The following LMTK3 variants were observed in gnomAD, a reference collection of about 807,000 sequenced individuals.
LMTK3 encodes lemur tail kinase 3, also known as serine/threonine-protein kinase LMTK3.
In LMTK3, 27 loss-of-function variants were observed where a neutral mutation model predicts 116.7. The ratio of observed to expected loss-of-function variants is 0.23; its 90% confidence interval spans 0.17 to 0.32. LMTK3 has a LOEUF of 0.32. LMTK3 is among the 10% of genes least tolerant of loss of function. LMTK3 has a pLI of 1.00. For synonymous variants in LMTK3, 965 were observed against 971.0 expected (o/e 0.99, Z 0.11); for missense variants, 1,764 against 2,068.5 (o/e 0.85, Z 2.86).
At chr19:48,502,369 T>C in intron 7 of LMTK3, 64 bp downstream of exon 7, 5 of 865,894 alleles carry the variant, frequency 5.8e-6, no homozygotes, top group African/African-American at 1.7e-5. Flanking sequence ...GCCCCTCCCC[T>C]GAGGCCTCAC....
In LMTK3 at chr19:48,497,627, G is replaced by A; in HGVS notation, c.3442C>T (p.Pro1148Ser). The change falls in exon 11 of 15, where the codon CCA becomes TCA. Residue 1148 changes from proline to serine, a missense_variant. Around this residue, in one of 7 missense-constraint regions of LMTK3, gnomAD observed 1,028 missense variants for 1,050.6 expected, o/e 0.98. Coordinates refer to ENST00000600059, the MANE Select transcript of LMTK3 (RefSeq NM_001388485.1). The surrounding 1 kb of genome is among the most constrained non-coding windows in gnomAD (Gnocchi z 5.7). ...GCCTCCGGTGGCGGTGGCAGCGGTG[G>A]CGGCGGTGGCTGCGGCCTCGTGTTG... ...VDNTRPQPPPPPLPPPPEAQP... is the reference protein window; with the variant it reads ...VDNTRPQPPPSPLPPPPEAQP... The A allele has an allele frequency of 7.9e-7, 1 of 1,270,660 alleles. No individual in the cohort carries two copies. The highest frequency in any genetic ancestry group is 1.0e-6 in the Non-Finnish European group (1 of 999,072). 78.7% of individuals were successfully genotyped at this position (1,270,660 alleles called of 1,614,324 possible).
rs1391057889 is a variant in LMTK3, at chr19:48,485,756, G to C, written c.*17C>G. On this transcript the variant is annotated 3_prime_UTR_variant, in exon 15 of 15. Coordinates refer to ENST00000600059, the MANE Select transcript of LMTK3 (RefSeq NM_001388485.1). ...ACCCCTCTTCTGAGGGTGCAGCGGG[G>C]TCGGGTCTTCGGGGAATCAATTCTC... The C allele has an allele frequency of 6.2e-7, 1 of 1,610,178 alleles. No homozygotes were observed. The highest frequency in any genetic ancestry group is 1.1e-5 in the South Asian group (1 of 90,280).
intron 5 of LMTK3, among the ~76,000 whole-genome samples, chr19:48,508,189 A>G (rs1442957038): frequency 6.6e-6 from 1 of 152,128 alleles, no homozygotes; most frequent in South Asian, 2.1e-4. Flanking sequence ...CAGGAGGACC[A>G]GATGTGTCCT....
At chr19:48,485,887 A>ATGGCCCAAAAGATC in intron 14 of LMTK3, 98 bp from the exon 15 acceptor site, 1 of 1,238,362 alleles carries the variant, frequency 8.1e-7, no homozygotes, top group Non-Finnish European at 1.1e-6. Flanking sequence ...CTCACCCACC[A>ATGGCCCAAAAGATC]TGGCCCAAAA....
intron 7 of LMTK3, 126 bp from the exon 8 acceptor site, chr19:48,501,688 T>G: frequency 2.2e-6 from 2 of 911,338 alleles, no homozygotes; most frequent in Non-Finnish European, 3.4e-6. Flanking sequence ...GCCCCTTCCC[T>G]CTGATCTGTC....
chr19:48,485,754 G>C lies in LMTK3; in HGVS notation c.*19C>G. 5 of 1,610,022 alleles carry C rather than the reference G, an allele frequency of 3.1e-6. No individual in the cohort carries two copies. In the South Asian group the frequency reaches 4.4e-5, roughly 14 times the overall value. On this transcript the variant is annotated 3_prime_UTR_variant, in exon 15 of 15. Coordinates refer to ENST00000600059, the MANE Select transcript of LMTK3 (RefSeq NM_001388485.1). The stretch of plus-strand genomic sequence containing the variant: ...CAACCCCTCTTCTGAGGGTGCAGCG[G>C]GGTCGGGTCTTCGGGGAATCAATTC...
rs2147530425 is a variant in LMTK3, at chr19:48,491,095, G to C, written c.4366+13C>G. The C allele has an allele frequency of 7.4e-7, 1 of 1,357,040 alleles. No individual in the cohort carries two copies. Among genetic ancestry groups the C allele is most frequent in the Non-Finnish European group, 9.5e-7 (1 of 1,054,856 alleles). The allele number at this position is 1,357,040 out of a possible 1,614,324, so 84.1% of individuals were successfully genotyped here. A position where few individuals can be genotyped will look rare whatever the true frequency, so the allele number is the denominator to read the frequency against. ...GATGGGCAGAGGAGGGGGCAGGGCC[G>C]AGGATATGGTACCTGCGGGCCGGGC... On this transcript the variant is annotated intron_variant, in intron 14 of 14. Transcript: ENST00000600059. This position sits in a 1 kb window ranked among gnomAD's most constrained non-coding sequence, Gnocchi z 5.1.
chr19:48,485,776 A>G lies in LMTK3; in HGVS notation c.4380T>C (p.Asn1460=), dbSNP rs1972112203. The G allele has an allele frequency of 1.2e-6, 2 of 1,610,774 alleles. No homozygotes were observed. The highest frequency in any genetic ancestry group is 1.7e-6 in the Non-Finnish European group (2 of 1,178,700). The part of the protein sequence containing the change: ...PDARPAGPVE[N] ...GCGGGGTCGGGTCTTCGGGGAATCAATTCTCCACGGGGCCTGAGGATGGAC... is the reference window on the plus strand; with the variant it reads ...GCGGGGTCGGGTCTTCGGGGAATCAGTTCTCCACGGGGCCTGAGGATGGAC... The change falls in exon 15 of 15, where the codon AAT becomes AAC. Residue 1460 remains asparagine (N), a synonymous_variant. Coordinates refer to ENST00000600059, the MANE Select transcript of LMTK3 (RefSeq NM_001388485.1).
chr19:48,506,258 A>G (rs1192711332), intron 5 of LMTK3, among the ~76,000 whole-genome samples: 1 of 136,542 alleles, frequency 7.3e-6, no homozygotes, highest in Non-Finnish European at 1.5e-5. Context: ...GTGAGCCTTG[A>G]AAAAAAAAAA....
Position 48,501,553 on chromosome 19 carries a change from G to A in LMTK3, c.804C>T (p.Ala268=). 2 of 1,608,936 alleles carry A rather than the reference G, an allele frequency of 1.2e-6. No homozygotes were observed. Among genetic ancestry groups the A allele is most frequent in the Non-Finnish European group, 1.7e-6 (2 of 1,178,290 alleles). The part of the protein sequence containing the change: ...HSHNYVHSDL[A]LRNCLLTSDL... ...CAGAGGTCAGCAGGCAGTTGCGCAG[G>A]GCCAGGTCGCTGCGGGAAGAACGCG... The change falls in exon 8 of 15, where the codon GCC becomes GCT. Residue 268 remains alanine (A), a synonymous_variant. Transcript: ENST00000600059.
rs1172273609 is a variant in LMTK3 at position 48,493,983 on chromosome 19, G to C, written c.3803C>G (p.Ala1268Gly). ...AGAAGGEAGG[A>G]GAPGPAEEDG... is the part of the protein sequence containing the mutation. ...CTCCTCCGCCGGCCCCGGCGCTCCCGCCCCGCCGGCCTCCCCGCCAGCCGC... is the reference window on the plus strand; with the variant it reads ...CTCCTCCGCCGGCCCCGGCGCTCCCCCCCCGCCGGCCTCCCCGCCAGCCGC... Residue 1268 changes from alanine to glycine, a missense_variant, in exon 12 of 15, where the codon GCG becomes GGG. Around this residue, in one of 7 missense-constraint regions of LMTK3, gnomAD observed 281 missense variants for 301.4 expected, o/e 0.93. Coordinates refer to ENST00000600059, the MANE Select transcript of LMTK3 (RefSeq NM_001388485.1). 8.5e-6 allele frequency: 9 copies of C among 1,055,906 alleles called. No individual in the cohort carries two copies. Among genetic ancestry groups the C allele is most frequent in the East Asian group, 8.1e-5 (1 of 12,410 alleles). The allele number at this position is 1,055,906 out of a possible 1,614,324, so 65.4% of individuals were successfully genotyped here.
In LMTK3 at chr19:48,498,796, G is replaced by T; in HGVS notation, c.2273C>A (p.Pro758Gln). The T allele has an allele frequency of 8.0e-7, 1 of 1,243,050 alleles. No homozygotes were observed. The highest frequency in any genetic ancestry group is 1.0e-6 in the Non-Finnish European group (1 of 962,378). 77.0% of individuals were successfully genotyped at this position (1,243,050 alleles called of 1,614,324 possible). Reference protein sequence around the residue: ...GPPPAPPPPPPPPRAPADPAA... With the variant: ...GPPPAPPPPPQPPRAPADPAA... Reference sequence around the variant, plus strand: ...CGGGTCCGCGGGGGCCCGAGGAGGTGGCGGCGGGGGGGGGGGAGCGGGAGG... The same window carrying T: ...CGGGTCCGCGGGGGCCCGAGGAGGTTGCGGCGGGGGGGGGGGAGCGGGAGG... The change falls in exon 11 of 15, where the codon CCA (proline) becomes CAA (glutamine). Residue 758 changes from proline to glutamine, a missense_variant. Pro to Gln is a moderately conservative substitution (Grantham distance 76, BLOSUM62 -1). Coordinates refer to ENST00000600059, the MANE Select transcript of LMTK3 (RefSeq NM_001388485.1).
At position 48,491,534 on chromosome 19, in the gene LMTK3, C is replaced by A. The variant is rs748319479; in HGVS notation, c.4098G>T (p.Thr1366=). The A allele has an allele frequency of 2.2e-6, 3 of 1,393,118 alleles. No homozygotes were observed. The highest frequency in any genetic ancestry group is 1.9e-6 in the Non-Finnish European group (2 of 1,067,778). 86.3% of individuals were successfully genotyped at this position (1,393,118 alleles called of 1,614,324 possible). The change falls in exon 13 of 15, where the codon ACG becomes ACT. Residue 1366 remains threonine, a synonymous_variant. Coordinates refer to ENST00000600059, the MANE Select transcript of LMTK3 (RefSeq NM_001388485.1). This position sits in a 1 kb window ranked among gnomAD's most constrained non-coding sequence, Gnocchi z 5.1. Reference sequence around the variant, plus strand: ...CCTGGACGCTCAGCTCGTTGGTTGGCGTCTCCTGTGAAGGCAGATTAGGGG... The same window carrying A: ...CCTGGACGCTCAGCTCGTTGGTTGGAGTCTCCTGTGAAGGCAGATTAGGGG... ...DVTVYLFDQE[T]PTNELSVQAP...
At chr19:48,503,421 G>C (rs906485379) in intron 5 of LMTK3, among the ~76,000 whole-genome samples, 1 of 151,826 alleles carries the variant, frequency 6.6e-6, no homozygotes, top group Non-Finnish European at 1.5e-5. Flanking sequence ...CCTTCCCCAG[G>C]TCCCCATCTC....
intron 5 of LMTK3, among the ~76,000 whole-genome samples, chr19:48,506,796 C>T (rs1972578502): frequency 1.3e-5 from 2 of 152,182 alleles, no homozygotes; most frequent in Non-Finnish European, 2.9e-5. Flanking sequence ...TCCTGAGTAG[C>T]TGGGATTACA....
At chr19:48,503,145 C>T (rs1329508808) in intron 5 of LMTK3, 149 bp from the exon 6 acceptor site, 7 of 641,456 alleles carry the variant, frequency 1.1e-5, no homozygotes, top group African/African-American at 1.8e-5. Context: ...GCTCTGTCGC[C>T]CAGGCGGGAG....
At position 48,499,784 on chromosome 19, in the gene LMTK3, C is replaced by T. The variant is rs2147547269; in HGVS notation, c.1285G>A (p.Gly429Ser). ...PPPPPPPPRD[G>S]PFPWPWPPAH... ...GGGGGCCAGGGCCAGGGGAAGGGAC[C>T]GTCTCGGGGTGGGGGTGGCGGCGGT... is the stretch of plus-strand genomic sequence containing the variant. The change falls in exon 11 of 15, where the codon GGT (glycine) becomes AGT (serine). Residue 429 changes from glycine to serine, a missense_variant. Around this residue, in one of 7 missense-constraint regions of LMTK3, gnomAD observed 63 missense variants for 65.0 expected, o/e 0.97. Coordinates refer to ENST00000600059, the MANE Select transcript of LMTK3 (RefSeq NM_001388485.1). 9.7e-7 allele frequency: 1 copy of T among 1,034,368 alleles called. No homozygotes were observed. Among genetic ancestry groups the T allele is most frequent in the African/African-American group, 2.0e-5 (1 of 50,602 alleles). The allele number at this position is 1,034,368 out of a possible 1,614,324, so 64.1% of individuals were successfully genotyped here. A position where few individuals can be genotyped will look rare whatever the true frequency, so the allele number is the denominator to read the frequency against.
chr19:48,502,347 GC>G (rs1972485830), intron 7 of LMTK3, 85 bp downstream of exon 7: 9 of 1,439,262 alleles, frequency 6.3e-6, no homozygotes, highest in Admixed American at 2.2e-5. Flanking sequence ...TCATGGGTCC[GC>G]CCCCCCTCTA....
rs1217484749 is a variant in LMTK3 at position 48,499,015 on chromosome 19, C to T, written c.2054G>A (p.Arg685Gln). Residue 685 changes from arginine to glutamine, a missense_variant, in exon 11 of 15, where the codon CGG (arginine) becomes CAG (glutamine). By Grantham distance (43) the Arg-to-Gln change is conservative. Coordinates refer to ENST00000600059, the MANE Select transcript of LMTK3 (RefSeq NM_001388485.1). Reference sequence around the variant, plus strand: ...TCCCCAGCCTGCTACGGCGTCCCCCCGCTCCAGTGGCAGGCAGGAGCAGGC... The same window carrying T: ...TCCCCAGCCTGCTACGGCGTCCCCCTGCTCCAGTGGCAGGCAGGAGCAGGC... ...EGACSCLPLE[R>Q]GDAVAGWGGH... The T allele has an allele frequency of 2.8e-6, 4 of 1,440,988 alleles. No homozygotes were observed. Among genetic ancestry groups the T allele is most frequent in the Non-Finnish European group, 3.7e-6 (4 of 1,095,674 alleles). The allele number at this position is 1,440,988 out of a possible 1,614,324, so 89.3% of individuals were successfully genotyped here.
Sources: allele counts gnomAD v4.1 joint callset (sites outside exome capture counted in the v4.1 genomes callset), GRCh38; gene constraint gnomAD v4.1.1; regional missense constraint gnomAD v4.1.1; non-coding constraint Gnocchi (gnomAD v3.1); transcripts MANE v1.5; gene names NCBI Gene and HGNC (gene_info 2026-07-23, HGNC 2026-07-21).